The following DLGAP2 variants were observed in gnomAD, a reference collection of about 807,000 sequenced individuals.
The protein encoded by DLGAP2 is DLG associated protein 2.
A neutral mutation model predicts 100.3 loss-of-function variants in DLGAP2; 26 were observed. That is an observed-to-expected ratio of 0.26 (90% CI 0.19 to 0.36). DLGAP2 has a LOEUF of 0.36. Among genes scored for constraint, DLGAP2 ranks in the 10% least tolerant of loss-of-function variants. The pLI, the probability that DLGAP2 is intolerant of heterozygous loss-of-function variation, is 1.00. For synonymous variants in DLGAP2, 886 were observed against 630.1 expected, an observed-to-expected ratio of 1.41 and a Z score of -6.08; for missense variants, 1,858 against 1,453.2, an observed-to-expected ratio of 1.28 and a Z score of -4.53.
intron 2 of DLGAP2, among the ~76,000 whole-genome samples, chr8:1,188,953 G>A (rs1345364729): frequency 6.6e-6 from 1 of 152,082 alleles, no homozygotes; most frequent in Admixed American, 6.5e-5. Context: ...TTCCGCGGTT[G>A]GGGTTGACCG....
chr8:776,656 G>T (rs190219871), intron 1 of DLGAP2, among the ~76,000 whole-genome samples: 2 of 152,196 alleles, frequency 1.3e-5, no homozygotes, highest in African/African-American at 4.8e-5. Context: ...GTAGCTGAGC[G>T]GTTTTGAGTG....
chr8:1,305,185 C>T (rs1165265356), intron 3 of DLGAP2, among the ~76,000 whole-genome samples: 1 of 152,174 alleles, frequency 6.6e-6, no homozygotes, highest in Non-Finnish European at 1.5e-5. Flanking sequence ...GACTTCTTGA[C>T]TCTTAGTTTA....
intron 3 of DLGAP2, among the ~76,000 whole-genome samples, chr8:1,497,869 G>A (rs1799595824): frequency 1.3e-5 from 2 of 152,208 alleles, no homozygotes; most frequent in African/African-American, 4.8e-5. Context: ...GTTGAACTCT[G>A]TAAAGTATTT....
At chr8:1,536,724 C>T (rs1202922156) in intron 4 of DLGAP2, among the ~76,000 whole-genome samples, 1 of 152,212 alleles carries the variant, frequency 6.6e-6, no homozygotes, top group African/African-American at 2.4e-5. Context: ...TTCATTTTGT[C>T]TCCCTTTTGC....
chr8:1,431,102 CTAT>C (rs757732923), intron 3 of DLGAP2, among the ~76,000 whole-genome samples: 11 of 152,336 alleles, frequency 7.2e-5, no homozygotes, highest in East Asian at 1.9e-4. Flanking sequence ...AAGGCTACTA[CTAT>C]TATTTCAATT....
intron 4 of DLGAP2, among the ~76,000 whole-genome samples, chr8:1,501,887 G>A (rs1444478391): frequency 6.6e-6 from 1 of 152,180 alleles, no homozygotes; most frequent in Non-Finnish European, 1.5e-5. Context: ...AGGGCCCTGC[G>A]AGAGGCTGCC....
intron 2 of DLGAP2, among the ~76,000 whole-genome samples, chr8:1,172,450 G>A (rs999409277): frequency 2.6e-5 from 4 of 152,030 alleles, no homozygotes; most frequent in African/African-American, 9.7e-5. Flanking sequence ...GATTGGGGAA[G>A]TTCTCCTGGA....
At chr8:1,678,829 A>G in intron 12 of DLGAP2, 200 bp downstream of exon 12, 2 of 558,036 alleles carry the variant, frequency 3.6e-6, no homozygotes, top group Non-Finnish European at 5.6e-6. Flanking sequence ...TACGATATCG[A>G]AGGAAAATTG....
intron 3 of DLGAP2, among the ~76,000 whole-genome samples, chr8:1,471,693 C>A (rs991238894): frequency 6.6e-6 from 1 of 151,618 alleles, no homozygotes; most frequent in Non-Finnish European, 1.5e-5. Flanking sequence ...AATGCCTCTT[C>A]AAGACCAAGA....
chr8:1,536,437 C>T (rs1291014185), intron 4 of DLGAP2, among the ~76,000 whole-genome samples: 1 of 152,126 alleles, frequency 6.6e-6, no homozygotes, highest in Non-Finnish European at 1.5e-5. Context: ...GTCAGATTAG[C>T]CATACAGAGG....
intron 3 of DLGAP2, chr8:1,297,222 C>A (rs879677895): frequency 1.3e-5 from 2 of 152,224 alleles, no homozygotes; most frequent in Non-Finnish European, 2.9e-5. Context: ...GAGTTATCCC[C>A]AGTCACCTGT....
intron 2 of DLGAP2, among the ~76,000 whole-genome samples, chr8:1,212,622 C>T (rs1002453179): frequency 3.9e-5 from 6 of 152,112 alleles, no homozygotes; most frequent in African/African-American, 1.4e-4. Flanking sequence ...TCAAGGAAGG[C>T]TGCCTGGAGG....
chr8:1,444,651 C>T lies in DLGAP2; in HGVS notation c.107-56715C>T, dbSNP rs186528842. On this transcript the variant is annotated intron_variant, in intron 3 of 14. Transcript: ENST00000637795. ...CCTTCAGGGTCTTCTTTCCCCATTT[C>T]CAGGTTGATGGTCCCATGATTTTGA... is the stretch of plus-strand genomic sequence containing the variant. Among the ~76,000 whole-genome samples, 197 of 152,216 alleles carry T rather than the reference C, an allele frequency of 1.3e-3. 2 individuals are homozygous for T. The highest frequency in any genetic ancestry group is 4.4e-3 in the African/African-American group (184 of 41,534).
At chr8:1,207,607 A>G (rs1027814733) in intron 2 of DLGAP2, among the ~76,000 whole-genome samples, 1 of 152,216 alleles carries the variant, frequency 6.6e-6, no homozygotes, top group African/African-American at 2.4e-5. Flanking sequence ...TGGGTCAAAC[A>G]GTAGATCTAC....
intron 1 of DLGAP2, among the ~76,000 whole-genome samples, chr8:897,445 A>G (rs185759942): frequency 7.2e-4 from 110 of 152,276 alleles, no homozygotes; most frequent in African/African-American, 2.3e-3. Flanking sequence ...ATTTTTTCTT[A>G]AGGACATTTC....
intron 3 of DLGAP2, among the ~76,000 whole-genome samples, chr8:1,388,045 G>A (rs962025956): frequency 7.9e-5 from 12 of 152,266 alleles, no homozygotes; most frequent in African/African-American, 2.2e-4. Context: ...CAGCCAGTGC[G>A]TGCGGGCTGG....
At chr8:1,252,655 G>A (rs4490871) in intron 2 of DLGAP2, among the ~76,000 whole-genome samples, 11,875 of 152,312 alleles carry the variant, frequency 0.078, 1,147 homozygotes, top group African/African-American at 0.23. Flanking sequence ...TCATGGTTTC[G>A]TGCTCTGTGC....
At position 984,914 on chromosome 8, in the gene DLGAP2, C is replaced by T. The variant is rs141048883; in HGVS notation, c.73+76948C>T. On this transcript the variant is annotated intron_variant, in intron 2 of 14. Transcript: ENST00000637795. ...TTACTATTGATCATCATAATGGGAA[C>T]GATAGCTAGGCTCCTAACCTCACCT... Among the ~76,000 whole-genome samples, 538 of 152,258 alleles carry T rather than the reference C, an allele frequency of 3.5e-3. 4 individuals carry two copies. The highest frequency in any genetic ancestry group is 0.012 in the African/African-American group (503 of 41,534).
At chr8:1,489,531 C>A (rs1222909137) in intron 3 of DLGAP2, among the ~76,000 whole-genome samples, 1 of 152,206 alleles carries the variant, frequency 6.6e-6, no homozygotes, top group Non-Finnish European at 1.5e-5. Context: ...GAAGACAATT[C>A]AGATACTGTC....
Sources: gnomAD v4.1 joint callset for allele counts (sites outside exome capture counted in the v4.1 genomes callset) on GRCh38, gnomAD v4.1.1 for gene constraint, MANE v1.5 for transcripts, NCBI Gene and HGNC (gene_info 2026-07-23, HGNC 2026-07-21) for gene names.